PXDNL: variants seen among roughly 807,000 people sequenced by gnomAD.
PXDNL encodes probable oxidoreductase PXDNL.
In PXDNL, 145 loss-of-function variants were observed where a neutral mutation model predicts 150.8. The observed-to-expected ratio is 0.96, with a 90% CI of 0.84 to 1.10. The LOEUF (loss-of-function observed/expected upper bound fraction) is 1.10. Among genes scored for constraint, PXDNL ranks in the 50% least tolerant of loss-of-function variants. The pLI is 0.00. For synonymous variants in PXDNL, 757 were observed against 725.7 expected (o/e 1.04, Z -0.69); for missense variants, 2,087 against 1,873.9 (o/e 1.11, Z -2.10).
chr8:51,587,470 C>G (rs1157139204), intron 3 of PXDNL, among the ~76,000 whole-genome samples: 3 of 152,030 alleles, frequency 2.0e-5, no homozygotes, highest in African/African-American at 7.2e-5. Flanking sequence ...CATTTTGGAT[C>G]AAAACTCACT....
At chr8:51,341,713 A>G (rs1361591066) in intron 20 of PXDNL, among the ~76,000 whole-genome samples, 1 of 152,234 alleles carries the variant, frequency 6.6e-6, no homozygotes, top group African/African-American at 2.4e-5. Context: ...ATCATGCAAT[A>G]TCTTCCTTTT....
chr8:51,585,250 A>G (rs1057360216), intron 3 of PXDNL, among the ~76,000 whole-genome samples: 1 of 152,194 alleles, frequency 6.6e-6, no homozygotes, highest in African/African-American at 2.4e-5. Context: ...TAGAAATTGC[A>G]TGTGTATGGA....
intron 2 of PXDNL, among the ~76,000 whole-genome samples, chr8:51,616,737 C>CA (rs1360547430): frequency 3.9e-5 from 6 of 152,186 alleles, no homozygotes; most frequent in African/African-American, 1.4e-4. Context: ...CAATGAGGCA[C>CA]ATGGTGTGAA....
intron 1 of PXDNL, among the ~76,000 whole-genome samples, chr8:51,772,652 G>A (rs1449675324): frequency 6.6e-6 from 1 of 152,186 alleles, no homozygotes; most frequent in African/African-American, 2.4e-5. Context: ...TCAGGCTGGG[G>A]TGACCCAGTG....
chr8:51,538,375 C>T (rs573702912), intron 4 of PXDNL, among the ~76,000 whole-genome samples: 1 of 151,524 alleles, frequency 6.6e-6, no homozygotes, highest in East Asian at 1.9e-4. Context: ...AATATAGTTT[C>T]AATCAGAATT....
chr8:51,670,008 G>A (rs567633003), intron 1 of PXDNL, among the ~76,000 whole-genome samples: 67 of 152,236 alleles, frequency 4.4e-4, no homozygotes, highest in Admixed American at 3.1e-3. Context: ...AGGCCAAGGT[G>A]GGCAGATCAC....
intron 8 of PXDNL, among the ~76,000 whole-genome samples, chr8:51,463,879 A>G (rs913350691): frequency 4.6e-5 from 7 of 152,222 alleles, no homozygotes; most frequent in Non-Finnish European, 1.0e-4. Flanking sequence ...AAATCAAAAA[A>G]TTCTTTGAAA....
chr8:51,576,291 T>C (rs774000600), intron 3 of PXDNL, among the ~76,000 whole-genome samples: 17 of 150,928 alleles, frequency 1.1e-4, no homozygotes, highest in Non-Finnish European at 2.4e-4. Context: ...TCCTGAGCTA[T>C]AAAGAATCCT....
intron 10 of PXDNL, among the ~76,000 whole-genome samples, chr8:51,450,534 C>A (rs979170942): frequency 6.6e-6 from 1 of 152,174 alleles, no homozygotes; most frequent in South Asian, 2.1e-4. Flanking sequence ...TCTGGAAATA[C>A]AAGAAACATG....
chr8:51,475,182 A>C (rs112630208), intron 6 of PXDNL, 41 bp from the exon 7 acceptor site: 22,910 of 1,545,738 alleles, frequency 0.015, 353 homozygotes, highest in South Asian at 0.055. Flanking sequence ...AAAAGGGACT[A>C]TTAATTTCTA....
intron 21 of PXDNL, among the ~76,000 whole-genome samples, chr8:51,330,442 G>A (rs539288193): frequency 4.6e-5 from 7 of 152,018 alleles, no homozygotes; most frequent in South Asian, 2.1e-4. Flanking sequence ...ATGAATTTTC[G>A]ACAGGCTGTT....
At chr8:51,589,140 C>G (rs1211321312) in intron 3 of PXDNL, among the ~76,000 whole-genome samples, 4 of 152,120 alleles carry the variant, frequency 2.6e-5, no homozygotes, top group Non-Finnish European at 4.4e-5. Flanking sequence ...AGCAAGAAGG[C>G]CCTCTCCAGA....
chr8:51,495,587 A>C (rs1563438075), intron 5 of PXDNL, among the ~76,000 whole-genome samples: 10 of 152,190 alleles, frequency 6.6e-5, no homozygotes, highest in Admixed American at 3.3e-4. Flanking sequence ...ATAAAAAATG[A>C]TAAAGGGGAT....
At chr8:51,615,089 C>T (rs1329973607) in intron 2 of PXDNL, among the ~76,000 whole-genome samples, 1 of 152,158 alleles carries the variant, frequency 6.6e-6, no homozygotes, top group Non-Finnish European at 1.5e-5. Flanking sequence ...TTCAATCAGA[C>T]ATGCTCAGTG....
At chr8:51,791,195 CT>C (rs1235196888) in intron 1 of PXDNL, among the ~76,000 whole-genome samples, 1 of 152,200 alleles carries the variant, frequency 6.6e-6, no homozygotes, top group East Asian at 1.9e-4. Flanking sequence ...TCTCTTGCCC[CT>C]CAACTAGATC....
chr8:51,601,752 T>C (rs190553014), intron 2 of PXDNL, among the ~76,000 whole-genome samples: 5 of 152,090 alleles, frequency 3.3e-5, no homozygotes, highest in African/African-American at 7.2e-5. Context: ...TTTGACCCTA[T>C]TACAAAGTTG....
At chr8:51,528,911 T>C (rs149170487) in intron 4 of PXDNL, among the ~76,000 whole-genome samples, 5 of 152,186 alleles carry the variant, frequency 3.3e-5, no homozygotes, top group Non-Finnish European at 7.3e-5. Context: ...ACACCCATGC[T>C]GACACTTAGA....
intron 19 of PXDNL, among the ~76,000 whole-genome samples, chr8:51,364,264 CT>C (rs1563375424): frequency 6.6e-6 from 1 of 152,172 alleles, no homozygotes; most frequent in East Asian, 1.9e-4. Flanking sequence ...CAGAGTTGTC[CT>C]TTGCCATCAC....
At chr8:51,718,550 T>G (rs1054255216) in intron 1 of PXDNL, among the ~76,000 whole-genome samples, 1 of 152,250 alleles carries the variant, frequency 6.6e-6, no homozygotes, top group African/African-American at 2.4e-5. Flanking sequence ...AGTTTGCCTC[T>G]AACTGCATTT....
Sources: gnomAD v4.1 joint callset for allele counts (sites outside exome capture counted in the v4.1 genomes callset) on GRCh38, gnomAD v4.1.1 for gene constraint, MANE v1.5 for transcripts, NCBI Gene and HGNC (gene_info 2026-07-23, HGNC 2026-07-21) for gene names.